UBE2V1: variants seen among roughly 807,000 people sequenced by gnomAD.
UBE2V1 encodes ubiquitin conjugating enzyme E2 V1, also known as ubiquitin-conjugating enzyme E2 variant 1.
A neutral mutation model predicts 19.6 loss-of-function variants in UBE2V1; 15 were observed. That is an observed-to-expected ratio of 0.77 (90% CI 0.51 to 1.18). The LOEUF (loss-of-function observed/expected upper bound fraction) is 1.18, where lower values mean the gene tolerates loss of function less well. Among genes scored for constraint, UBE2V1 ranks in the 50% most tolerant of loss-of-function variants. The pLI is 0.00. For synonymous variants in UBE2V1, 60 were observed against 60.7 expected (o/e 0.99, Z 0.05); for missense variants, 125 against 184.8 (o/e 0.68, Z 1.88).
chr20:50,084,814 CTTT>C (rs768489912), intron 2 of UBE2V1: 446 of 159,658 alleles, frequency 2.8e-3, no homozygotes, highest in South Asian at 5.9e-3. Context: ...TCCCTGCAGT[CTTT>C]TTTTTTTTTT....
chr20:50,109,541 G>A (rs915862123), intron 1 of UBE2V1, among the ~76,000 whole-genome samples: 3 of 152,044 alleles, frequency 2.0e-5, no homozygotes, highest in African/African-American at 7.3e-5. Flanking sequence ...ATGAGGTCAG[G>A]AGTTTGAGAC....
At chr20:50,113,787 A>ATTCATTCGTTCG (rs1307445762), upstream of UBE2V1, among the ~76,000 whole-genome samples, 1 of 113,300 alleles carries the variant, frequency 8.8e-6, no homozygotes, top group Non-Finnish European at 1.7e-5. Context: ...TCATTCATTC[A>ATTCATTCGTTCG]TTCATTCGTT....
intron 2 of UBE2V1, 195 bp downstream of exon 2, chr20:50,096,477 G>A (rs1203422392): frequency 7.0e-7 from 1 of 1,429,802 alleles, no homozygotes; most frequent in South Asian, 1.3e-5. Flanking sequence ...ACAGGTTTTT[G>A]CTTACCATTT....
At chr20:50,096,641 T>C in intron 2 of UBE2V1, 31 bp downstream of exon 2, 1 of 1,611,286 alleles carries the variant, frequency 6.2e-7, no homozygotes, top group Non-Finnish European at 8.5e-7. Context: ...ATTTAAGACA[T>C]TGACATTTAT....
In UBE2V1 at chr20:50,081,621, A is replaced by G. The variant is rs1209049303; in HGVS notation, c.*1147T>C. The G allele has an allele frequency of 3.1e-5, 5 of 161,372 alleles. No homozygotes were observed. Among genetic ancestry groups the G allele is most frequent in the Non-Finnish European group, 2.7e-5 (2 of 73,850 alleles). 10.0% of individuals were successfully genotyped at this position (161,372 alleles called of 1,614,324 possible). ...TTGTCAGATTCCAAACTAGACCCCAATGGATTGCAAGGATGACCAAATGAA... is the reference window on the plus strand; with the variant it reads ...TTGTCAGATTCCAAACTAGACCCCAGTGGATTGCAAGGATGACCAAATGAA... On this transcript the variant is annotated 3_prime_UTR_variant, in exon 4 of 4. Transcript: ENST00000371674.
At chr20:50,101,026 C>T (rs755693725) in intron 1 of UBE2V1, among the ~76,000 whole-genome samples, 20 of 152,106 alleles carry the variant, frequency 1.3e-4, no homozygotes, top group Admixed American at 4.6e-4. Flanking sequence ...ATTAGATATT[C>T]GATTACTTAA....
chr20:50,105,828 G>A (rs142519728), intron 1 of UBE2V1, among the ~76,000 whole-genome samples: 40 of 152,236 alleles, frequency 2.6e-4, no homozygotes, highest in Middle Eastern at 6.8e-3. Flanking sequence ...TAATTGGGAG[G>A]CTGAGGCATG....
chr20:50,107,618 C>T (rs1185048403), intron 1 of UBE2V1, among the ~76,000 whole-genome samples: 1 of 152,192 alleles, frequency 6.6e-6, no homozygotes, highest in Non-Finnish European at 1.5e-5. Flanking sequence ...GCTGAATAGC[C>T]ACTTTTGCTT....
At chr20:50,084,516 G>A (rs1262216886) in intron 2 of UBE2V1, 1 of 585,558 alleles carries the variant, frequency 1.7e-6, no homozygotes, top group African/African-American at 1.8e-5. Flanking sequence ...TCTAATCAGA[G>A]GGACCTGTTT....
chr20:50,108,761 C>T (rs2269214), intron 1 of UBE2V1, among the ~76,000 whole-genome samples: 50,491 of 152,120 alleles, frequency 0.33, 9,175 homozygotes, highest in African/African-American at 0.5. Context: ...AGGTGTGAGT[C>T]ATTCAGTATA....
intron 2 of UBE2V1, among the ~76,000 whole-genome samples, chr20:50,093,290 A>T (rs188491115): frequency 6.6e-6 from 1 of 152,260 alleles, no homozygotes; most frequent in African/African-American, 2.4e-5. Flanking sequence ...TTTTGATGGA[A>T]AATGTTCTTT....
intron 2 of UBE2V1, chr20:50,094,839 C>T (rs779163885): frequency 3.3e-5 from 5 of 152,066 alleles, no homozygotes; most frequent in African/African-American, 4.8e-5. Context: ...TGTAAGACCA[C>T]CGAACTGTAT....
upstream of UBE2V1, chr20:50,115,660 C>A: frequency 3.1e-6 from 4 of 1,299,648 alleles, no homozygotes; most frequent in Non-Finnish European, 4.0e-6. Context: ...CCCTTGGGCA[C>A]AGGGAAGAGG....
At chr20:50,088,355 C>T (rs746610255) in intron 2 of UBE2V1, among the ~76,000 whole-genome samples, 2 of 152,118 alleles carry the variant, frequency 1.3e-5, no homozygotes, top group African/African-American at 4.8e-5. Context: ...AATGTATCAA[C>T]GTTGGTTTAT....
At chr20:50,091,410 CTTTTTTTTT>C (rs11482128) in intron 2 of UBE2V1, among the ~76,000 whole-genome samples, 1 of 112,332 alleles carries the variant, frequency 8.9e-6, no homozygotes, top group Non-Finnish European at 1.7e-5. Context: ...TAACTTAAGG[CTTTTTTTTT>C]TTTTTTTTTG....
intron 1 of UBE2V1, among the ~76,000 whole-genome samples, chr20:50,105,832 A>G (rs1367056694): frequency 6.6e-6 from 1 of 152,200 alleles, no homozygotes; most frequent in African/African-American, 2.4e-5. Context: ...TGGGAGGCTG[A>G]GGCATGACAA....
At chr20:50,097,804 C>G (rs902130579) in intron 1 of UBE2V1, among the ~76,000 whole-genome samples, 6 of 152,198 alleles carry the variant, frequency 3.9e-5, no homozygotes, top group African/African-American at 9.7e-5. Flanking sequence ...CAGGACTAAC[C>G]ATGTGACTGT....
chr20:50,095,359 G>A (rs978795979), intron 2 of UBE2V1: 2 of 152,076 alleles, frequency 1.3e-5, no homozygotes, highest in Non-Finnish European at 2.9e-5. Flanking sequence ...GGTTTTCCCC[G>A]GTATTTAGCA....
chr20:50,085,988 G>A (rs145646679), intron 2 of UBE2V1, among the ~76,000 whole-genome samples: 13 of 151,930 alleles, frequency 8.6e-5, no homozygotes, highest in African/African-American at 2.9e-4. Flanking sequence ...CTCCACCACC[G>A]TCACCTCTTC....
Sources: allele counts gnomAD v4.1 joint callset (sites outside exome capture counted in the v4.1 genomes callset), GRCh38; gene constraint gnomAD v4.1.1; transcripts MANE v1.5; gene names NCBI Gene and HGNC (gene_info 2026-07-23, HGNC 2026-07-21).